Variants in PTPRD observed in about 807,000 individuals in gnomAD.
PTPRD encodes protein tyrosine phosphatase receptor type D.
In PTPRD, 34 loss-of-function variants were observed where a neutral mutation model predicts 214.5. The ratio of observed to expected loss-of-function variants is 0.16; its 90% CI spans 0.12 to 0.21. PTPRD has a LOEUF of 0.21. Among genes scored for constraint, PTPRD ranks in the 10% least tolerant of loss-of-function variants. The pLI, the probability that PTPRD is intolerant of heterozygous loss-of-function variation, is 1.00. For missense variants in PTPRD, 2,545 were observed against 2,398.7 expected (o/e 1.06, Z -1.27); for synonymous variants, 1,128 against 845.7 (o/e 1.33, Z -5.79).
intron 34 of PTPRD, among the ~76,000 whole-genome samples, chr9:8,440,743 A>G (rs1201478764): frequency 6.6e-6 from 1 of 152,226 alleles, no homozygotes; most frequent in Non-Finnish European, 1.5e-5. Flanking sequence ...GGTTGGAGGA[A>G]AAAACAAGAT....
intron 14 of PTPRD, among the ~76,000 whole-genome samples, chr9:8,623,559 C>G (rs925806563): frequency 6.6e-6 from 1 of 151,842 alleles, no homozygotes; most frequent in African/African-American, 2.4e-5. Context: ...GAAATTAACT[C>G]TTAATAATAA....
chr9:9,288,823 T>G (rs1451339617), intron 9 of PTPRD, among the ~76,000 whole-genome samples: 2 of 151,846 alleles, frequency 1.3e-5, no homozygotes, highest in African/African-American at 4.8e-5. Context: ...CCTCGTGATG[T>G]TCTCATGATA....
At chr9:8,507,575 C>A in intron 21 of PTPRD, 141 bp from the exon 22 acceptor site, 1 of 940,842 alleles carries the variant, frequency 1.1e-6, no homozygotes, top group South Asian at 1.6e-5. Context: ...TTTACCTTGT[C>A]CAAGTTAACC....
In PTPRD at chr9:10,395,954, T is replaced by TGAGAGAGAGA. The variant is rs368100918; in HGVS notation, c.-599-54947_-599-54938dup. ...AAGCCACAGAGGGACATAGAGAGAA[T>TGAGAGAGAGA]GAGAGAGAGAGAGAGAGAGAGAGAG... On this transcript the variant is annotated intron_variant, in intron 2 of 45. Coordinates refer to ENST00000381196, the MANE Select transcript of PTPRD (RefSeq NM_002839.4). 2.5e-4 allele frequency among the ~76,000 whole-genome samples: 33 copies of TGAGAGAGAGA among 134,374 alleles called. 1 individual carries two copies. The highest frequency in any genetic ancestry group is 1.0e-3 in the South Asian group (4 of 3,856). 88.2% of individuals were successfully genotyped at this position (134,374 alleles called of 152,430 possible).
chr9:9,119,506 G>T (rs556262212), intron 10 of PTPRD, among the ~76,000 whole-genome samples: 1 of 151,984 alleles, frequency 6.6e-6, no homozygotes, highest in Non-Finnish European at 1.5e-5. Context: ...TACTTTGCAA[G>T]ATTAGATGAC....
chr9:10,460,735 C>T (rs1466393707), intron 2 of PTPRD, among the ~76,000 whole-genome samples: 1 of 151,944 alleles, frequency 6.6e-6, no homozygotes, highest in Non-Finnish European at 1.5e-5. Context: ...ACACAAAAAT[C>T]AACTCAAAAT....
chr9:10,562,329 CTT>C (rs199672347), intron 2 of PTPRD, among the ~76,000 whole-genome samples: 63 of 144,808 alleles, frequency 4.4e-4, no homozygotes, highest in African/African-American at 1.1e-3. Context: ...TGTTCGTTAA[CTT>C]TTTTTTTTTT....
At chr9:9,603,438 T>C (rs1156629739) in intron 7 of PTPRD, among the ~76,000 whole-genome samples, 1 of 152,146 alleles carries the variant, frequency 6.6e-6, no homozygotes, top group Non-Finnish European at 1.5e-5. Flanking sequence ...TAAGCCATAT[T>C]AGGCTATAAA....
At chr9:9,396,576 G>T (rs10977726) in intron 9 of PTPRD, among the ~76,000 whole-genome samples, 3 of 151,424 alleles carry the variant, frequency 2.0e-5, no homozygotes, top group Non-Finnish European at 4.4e-5. Flanking sequence ...ATTTTTTTAC[G>T]CCTTCAAAAT....
chr9:8,895,679 C>A (rs1317524565), intron 11 of PTPRD, among the ~76,000 whole-genome samples: 2 of 152,178 alleles, frequency 1.3e-5, no homozygotes, highest in African/African-American at 4.8e-5. Flanking sequence ...ATCCATGTCA[C>A]TTCAGCATGT....
At chr9:10,256,605 C>G (rs1374286662) in intron 3 of PTPRD, among the ~76,000 whole-genome samples, 1 of 152,108 alleles carries the variant, frequency 6.6e-6, no homozygotes, top group Non-Finnish European at 1.5e-5. Context: ...CTATCCTTGC[C>G]TTACACTTTG....
intron 3 of PTPRD, among the ~76,000 whole-genome samples, chr9:10,162,686 T>C (rs1386892524): frequency 1.4e-5 from 2 of 146,910 alleles, no homozygotes; most frequent in Admixed American, 6.9e-5. Flanking sequence ...CATGTATATA[T>C]GTGTATATAT....
Position 8,953,609 on chromosome 9 carries a change from T to C in PTPRD, c.-104+65088A>G, listed in dbSNP as rs190556933. ...CACAAACTATGCATCTCTTCAAAGG[T>C]CTAATATCCAGAATGTATAAGGAAC... is the stretch of plus-strand genomic sequence containing the variant. On this transcript the variant is annotated intron_variant, in intron 11 of 45. Transcript: ENST00000381196. Among the ~76,000 whole-genome samples the C allele has an allele frequency of 4.6e-3, 706 of 151,916 alleles. 6 individuals are homozygous for C. The highest frequency in any genetic ancestry group is 0.016 in the African/African-American group (671 of 41,488).
At chr9:10,510,217 A>G (rs938569321) in intron 2 of PTPRD, among the ~76,000 whole-genome samples, 106 of 152,146 alleles carry the variant, frequency 7.0e-4, no homozygotes, top group African/African-American at 2.5e-3. Context: ...CATACCACTC[A>G]GTATGGGTCT....
chr9:9,250,130 A>G (rs1245017881), intron 9 of PTPRD, among the ~76,000 whole-genome samples: 31 of 152,070 alleles, frequency 2.0e-4, no homozygotes, highest in Admixed American at 2.0e-3. Flanking sequence ...AGTCGCATAC[A>G]TACATTCTTT....
At chr9:8,374,346 A>G (rs368052225) in intron 39 of PTPRD, among the ~76,000 whole-genome samples, 1 of 151,960 alleles carries the variant, frequency 6.6e-6, no homozygotes, top group Non-Finnish European at 1.5e-5. Context: ...TGAGGCCTGC[A>G]AAGAACTGTG....
chr9:9,228,640 T>A (rs1049410127), intron 9 of PTPRD, among the ~76,000 whole-genome samples: 3 of 152,116 alleles, frequency 2.0e-5, no homozygotes, highest in Non-Finnish European at 4.4e-5. Context: ...AAAACTTACT[T>A]GATCACTGTT....
chr9:9,097,458 G>C (rs1451093029), intron 10 of PTPRD, among the ~76,000 whole-genome samples: 1 of 151,376 alleles, frequency 6.6e-6, no homozygotes, highest in African/African-American at 2.4e-5. Flanking sequence ...ACCCAGGCTG[G>C]AATGCAGTGG....
chr9:8,652,424 C>T (rs2096830939), intron 12 of PTPRD, among the ~76,000 whole-genome samples: 1 of 152,214 alleles, frequency 6.6e-6, no homozygotes, highest in Non-Finnish European at 1.5e-5. Flanking sequence ...TAAACAGAAG[C>T]TGTGGCTGAC....
Sources: allele counts gnomAD v4.1 joint callset (sites outside exome capture counted in the v4.1 genomes callset), GRCh38; gene constraint gnomAD v4.1.1; transcripts MANE v1.5; gene names NCBI Gene and HGNC (gene_info 2026-07-23, HGNC 2026-07-21).